SART1: variants seen among roughly 807,000 people sequenced by gnomAD.
SART1 encodes spliceosome associated factor 1, recruiter of U4/U6.U5 tri-snRNP, also known as U4/U6.U5 tri-snRNP-associated protein 1.
A neutral mutation model predicts 105.0 loss-of-function variants in SART1; 28 were observed. The observed-to-expected ratio is 0.27, with a 90% CI of 0.20 to 0.37. The LOEUF (loss-of-function observed/expected upper bound fraction) is 0.37. Among genes scored for constraint, SART1 ranks in the 10% least tolerant of loss-of-function variants. The pLI is 1.00. For missense variants in SART1, 894 were observed against 1,106.5 expected, an observed-to-expected ratio of 0.81 and a Z score of 2.72; for synonymous variants, 472 against 462.9, an observed-to-expected ratio of 1.02 and a Z score of -0.25.
intron 12 of SART1, among the ~76,000 whole-genome samples, chr11:65,970,831 G>T: frequency 2.8e-5 from 1 of 35,718 alleles, no homozygotes; most frequent in Non-Finnish European, 6.0e-5. Context: ...TGAGGAGGGG[G>T]ATGGTGGGAT....
chr11:65,964,960 A>C, intron 3 of SART1, 132 bp from the exon 4 acceptor site: 1 of 1,159,912 alleles, frequency 8.6e-7, no homozygotes, highest in Non-Finnish European at 1.2e-6. Context: ...GGGAGCAGGG[A>C]GGTGAAGGAT....
Position 65,967,602 on chromosome 11 carries a change from G to T in SART1, c.1429+16G>T, listed in dbSNP as rs1447372199. ...AGTGATGAGGGTGAGGGCCCGGCCA[G>T]GGGGTGGGAGGGGCAGGGACAGGAG... On this transcript the variant is annotated intron_variant, in intron 11 of 19. Transcript: ENST00000312397. 1 of 1,609,150 alleles carries T rather than the reference G, an allele frequency of 6.2e-7. No individual in the cohort carries two copies. The highest frequency in any genetic ancestry group is 8.5e-7 in the Non-Finnish European group (1 of 1,178,600).
At chr11:65,967,980 C>G (rs1226356548) in intron 12 of SART1, among the ~76,000 whole-genome samples, 159 bp downstream of exon 12, 1 of 135,924 alleles carries the variant, frequency 7.4e-6, no homozygotes, top group Non-Finnish European at 1.5e-5. Flanking sequence ...GACAGAGTTT[C>G]GCTCTTTCGC....
At position 65,977,097 on chromosome 11, in the gene SART1, C is replaced by G. The variant is rs751664977; in HGVS notation, c.1941C>G (p.Asn647Lys). The change falls in exon 15 of 20, where the codon AAC (asparagine) becomes AAG (lysine). Residue 647 changes from asparagine to lysine, a missense_variant. Asn to Lys is a moderately conservative substitution (Grantham distance 94, BLOSUM62 0). Around this residue, in one of 2 missense-constraint regions of SART1, gnomAD observed 182 missense variants for 328.3 expected, o/e 0.55. Transcript: ENST00000312397. ...GLAAALLLCQNKGLLETTVQK... is the reference protein window; with the variant it reads ...GLAAALLLCQKKGLLETTVQK... ...CAGCTGCCCTGCTCCTGTGTCAGAA[C>G]AAAGGTAGGGAGCTCAGGGCAGCCA... 6.2e-7 allele frequency: 1 copy of G among 1,612,664 alleles called. No individual in the cohort carries two copies. The highest frequency in any genetic ancestry group is 8.5e-7 in the Non-Finnish European group (1 of 1,179,018).
chr11:65,962,124 G>GGGCC, intron 1 of SART1, 31 bp downstream of exon 1: 1 of 1,113,052 alleles, frequency 9.0e-7, no homozygotes. Flanking sequence ...CAGGGGGCGG[G>GGGCC]TCGGGCGGGG....
chr11:65,976,312 C>G lies in SART1; in HGVS notation c.1573-83C>G. The G allele has an allele frequency of 1.4e-6, 2 of 1,409,970 alleles. No homozygotes were observed. Among genetic ancestry groups the G allele is most frequent in the South Asian group, 3.0e-5 (2 of 66,202 alleles). 87.3% of individuals were successfully genotyped at this position (1,409,970 alleles called of 1,614,324 possible). A position where few individuals can be genotyped will look rare whatever the true frequency, so the allele number is the denominator to read the frequency against. ...TGGGCGTGGCCTGTCTGGCTGCTGC[C>G]AGGGAGGACCCTTAGGTTCCTGGGT... On this transcript the variant is annotated intron_variant, in intron 12 of 19. Transcript: ENST00000312397. This position sits in a 1 kb window ranked among gnomAD's most constrained non-coding sequence, Gnocchi z 5.1.
In SART1 at chr11:65,966,458, G is replaced by T; in HGVS notation, c.1090G>T (p.Glu364Ter). 2 of 1,612,874 alleles carry T rather than the reference G, an allele frequency of 1.2e-6. No individual in the cohort carries two copies. Among genetic ancestry groups the T allele is most frequent in the Non-Finnish European group, 1.7e-6 (2 of 1,179,544 alleles). ...CACGGCTGATGGCCTGCGGGAGCGG[G>T]AGCTGGAGGAGATCCGGGCCAAGCT... ...GGTADGLRER[E>*]LEEIRAKLRL... Residue 364 changes from glutamate to a stop codon, truncating the protein, a stop_gained, in exon 9 of 20, where the codon GAG (glutamate) becomes TAG (stop). Coordinates refer to ENST00000312397, the MANE Select transcript of SART1 (RefSeq NM_005146.5). LOFTEE classifies it high-confidence loss of function.
At chr11:65,965,523 C>T (rs901630850) in intron 5 of SART1, 76 bp downstream of exon 5, 20 of 1,449,956 alleles carry the variant, frequency 1.4e-5, no homozygotes, top group Non-Finnish European at 1.7e-5. Context: ...GGGCCAACCC[C>T]AGAGAGGTGA....
intron 12 of SART1, among the ~76,000 whole-genome samples, chr11:65,974,781 A>T (rs1363205790): frequency 2.0e-5 from 3 of 152,014 alleles, no homozygotes; most frequent in Non-Finnish European, 4.4e-5. Flanking sequence ...CACGTCTGTA[A>T]CCCCAACACT....
Position 65,964,021 on chromosome 11 carries a change from C to T in SART1, c.314-53C>T. 4 of 1,552,466 alleles carry T rather than the reference C, an allele frequency of 2.6e-6. No individual in the cohort carries two copies. The East Asian group carries it at 9.0e-5, about 35-fold the overall frequency. On this transcript the variant is annotated intron_variant, in intron 1 of 19. Coordinates refer to ENST00000312397, the MANE Select transcript of SART1 (RefSeq NM_005146.5). ...GTTCCTGCAGCTGGAGCCAACGATG[C>T]TGGCTTCTTGGCCCTGTGTTCAGCT...
At chr11:65,970,179 G>A (rs1855344496) in intron 12 of SART1, among the ~76,000 whole-genome samples, 1 of 152,018 alleles carries the variant, frequency 6.6e-6, no homozygotes, top group South Asian at 2.1e-4. Flanking sequence ...CTGACCACTG[G>A]GAGTTGCAGA....
chr11:65,979,039 T>TC lies in SART1; in HGVS notation c.*12dup. On this transcript the variant is annotated 3_prime_UTR_variant, in exon 20 of 20. Transcript: ENST00000312397. ...ACACCATCACCAAGTGACAGCGCCC[T>TC]CCCGCCCCGGCCCTGCCTCAACCTT... 1 of 1,614,020 alleles carries TC rather than the reference T, an allele frequency of 6.2e-7. No homozygotes were observed. The highest frequency in any genetic ancestry group is 1.1e-5 in the South Asian group (1 of 91,076).
At position 65,965,072 on chromosome 11, in the gene SART1, C is replaced by A. The variant is rs753713658; in HGVS notation, c.428-20C>A. ...CCAGCCATGGGCGGGCATAGCCTCACGTCTGGGCCCCCCTTCCAGAGGCGG... is the reference window on the plus strand; with the variant it reads ...CCAGCCATGGGCGGGCATAGCCTCAAGTCTGGGCCCCCCTTCCAGAGGCGG... On this transcript the variant is annotated intron_variant, in intron 3 of 19. Coordinates refer to ENST00000312397, the MANE Select transcript of SART1 (RefSeq NM_005146.5). 6.4e-7 allele frequency: 1 copy of A among 1,562,446 alleles called. No homozygotes were observed. Among genetic ancestry groups the A allele is most frequent in the Non-Finnish European group, 8.6e-7 (1 of 1,159,404 alleles).
rs185565535 is a variant in SART1 at position 65,967,542 on chromosome 11, C to T, written c.1385C>T (p.Pro462Leu). 1.2e-4 allele frequency: 201 copies of T among 1,612,826 alleles called. No individual in the cohort carries two copies. The East Asian group carries it at 3.7e-3, about 30-fold the overall frequency. Residue 462 changes from proline to leucine, a missense_variant, in exon 11 of 20, where the codon CCG becomes CTG. By Grantham distance (98) the Pro-to-Leu change is moderately conservative. This residue lies in a region of SART1 where 712 missense variants were observed against 778.2 expected (regional missense o/e 0.91). Coordinates refer to ENST00000312397, the MANE Select transcript of SART1 (RefSeq NM_005146.5). Reference protein sequence around the residue: ...EEKEPVPQPLPSDDTRVENMD... With the variant: ...EEKEPVPQPLLSDDTRVENMD... ...AAGGAGCCTGTGCCTCAGCCCCTGC[C>T]GTCGGACGACACCCGAGTGGAGAAC...
intron 12 of SART1, among the ~76,000 whole-genome samples, chr11:65,974,748 G>A (rs1452828072): frequency 6.6e-6 from 1 of 151,912 alleles, no homozygotes; most frequent in Non-Finnish European, 1.5e-5. Flanking sequence ...AAAAATAAGT[G>A]TTCCTGGCCA....
chr11:65,976,760 G>A lies in SART1; in HGVS notation c.1851G>A (p.Gln617=), dbSNP rs902470014. 1.2e-6 allele frequency: 2 copies of A among 1,609,506 alleles called. No homozygotes were observed. The highest frequency in any genetic ancestry group is 2.7e-5 in the African/African-American group (2 of 74,844). ...STVNLDEEKQ[Q]QDFSASSTTI... The stretch of plus-strand genomic sequence containing the variant: ...TGAACCTGGACGAGGAGAAGCAGCA[G>A]CAGGATGTGAGGGCCGCGCCGCTGG... The change falls in exon 14 of 20, where the codon CAG becomes CAA. Residue 617 remains glutamine (Q), a synonymous_variant. Transcript: ENST00000312397. The surrounding 1 kb of genome is among the most constrained non-coding windows in gnomAD (Gnocchi z 5.1).
chr11:65,977,501 C>G lies in SART1; in HGVS notation c.1946-62C>G. The G allele has an allele frequency of 6.3e-6, 9 of 1,430,210 alleles. No individual in the cohort carries two copies. The South Asian group carries it at 1.0e-4, about 16-fold the overall frequency. The allele number at this position is 1,430,210 out of a possible 1,614,324, so 88.6% of individuals were successfully genotyped here. ...CCCCACAGGGCCTGCTCTGCCTTCT[C>G]AGGCGGCCCTGGAGCTGTGGCTCTC... is the stretch of plus-strand genomic sequence containing the variant. On this transcript the variant is annotated intron_variant, in intron 15 of 19. Transcript: ENST00000312397.
intron 3 of SART1, 32 bp from the exon 4 acceptor site, chr11:65,965,060 G>T: frequency 6.5e-7 from 1 of 1,550,260 alleles, no homozygotes; most frequent in South Asian, 1.2e-5. Context: ...GCCATGGGCG[G>T]GCATAGCCTC....
At chr11:65,973,288 C>G (rs542392680) in intron 12 of SART1, among the ~76,000 whole-genome samples, 1 of 151,746 alleles carries the variant, frequency 6.6e-6, no homozygotes, top group Non-Finnish European at 1.5e-5. Context: ...ATATATACCA[C>G]CAAGAATGGG....
Sources: allele counts gnomAD v4.1 joint callset (sites outside exome capture counted in the v4.1 genomes callset), GRCh38; gene constraint gnomAD v4.1.1; regional missense constraint gnomAD v4.1.1; non-coding constraint Gnocchi (gnomAD v3.1); transcripts MANE v1.5; gene names NCBI Gene and HGNC (gene_info 2026-07-23, HGNC 2026-07-21).